ITGB3BP: variants seen among roughly 807,000 people sequenced by gnomAD.
The protein encoded by ITGB3BP is integrin subunit beta 3 binding protein, also known as centromere protein R.
In ITGB3BP, 27 loss-of-function variants were observed where a neutral mutation model predicts 29.1. That is an observed-to-expected ratio of 0.93 (90% CI 0.68 to 1.28). ITGB3BP has a LOEUF of 1.28. ITGB3BP is among the 50% of genes most tolerant of loss of function. ITGB3BP has a pLI of 0.00. For synonymous variants in ITGB3BP, 61 were observed against 61.4 expected, an observed-to-expected ratio of 0.99 and a Z score of 0.03; for missense variants, 192 against 200.2, an observed-to-expected ratio of 0.96 and a Z score of 0.25.
chr1:63,457,288 T>C (rs1270912982), intron 4 of ITGB3BP: 1 of 152,160 alleles, frequency 6.6e-6, no homozygotes, highest in Non-Finnish European at 1.5e-5. Context: ...AGATAAACTA[T>C]TTGCTGAGCA....
At chr1:63,523,101 C>A (rs752925372) in intron 1 of ITGB3BP, 28 bp downstream of exon 1, 1 of 1,613,842 alleles carries the variant, frequency 6.2e-7, no homozygotes, top group South Asian at 1.1e-5. Flanking sequence ...GCCCCCAAAA[C>A]AGCAATACCT....
intron 4 of ITGB3BP, among the ~76,000 whole-genome samples, chr1:63,463,237 G>T (rs187764764): frequency 3.2e-5 from 3 of 92,340 alleles, no homozygotes; most frequent in Non-Finnish European, 5.9e-5. Context: ...CAACAAGAGC[G>T]AAACTCTGTC....
intron 1 of ITGB3BP, among the ~76,000 whole-genome samples, chr1:63,519,344 A>G (rs1418163220): frequency 6.6e-6 from 1 of 152,130 alleles, no homozygotes; most frequent in African/African-American, 2.4e-5. Context: ...ATTGTGCTGA[A>G]AGTAAAGAAA....
intron 7 of ITGB3BP, chr1:63,451,725 C>G (rs989534435): frequency 2.0e-5 from 3 of 151,864 alleles, no homozygotes; most frequent in Non-Finnish European, 2.9e-5. Flanking sequence ...AATCAAATTA[C>G]AACAAAAATA....
chr1:63,505,293 T>C (rs1646048530), intron 2 of ITGB3BP, among the ~76,000 whole-genome samples: 2 of 152,200 alleles, frequency 1.3e-5, no homozygotes, highest in African/African-American at 4.8e-5. Context: ...TCTAGTTTAT[T>C]TGCGTAGAGG....
chr1:63,447,562 T>C (rs1436892099), intron 7 of ITGB3BP: 1 of 489,686 alleles, frequency 2.0e-6, no homozygotes, highest in East Asian at 5.8e-5. Flanking sequence ...AATTTAGCTT[T>C]ACCTAGGAGA....
At chr1:63,477,381 C>T (rs1259118219) in intron 4 of ITGB3BP, among the ~76,000 whole-genome samples, 1 of 152,044 alleles carries the variant, frequency 6.6e-6, no homozygotes, top group African/African-American at 2.4e-5. Flanking sequence ...TAAACATAAC[C>T]CATTTCTAAA....
chr1:63,497,987 C>CA (rs1557643487), intron 2 of ITGB3BP, among the ~76,000 whole-genome samples: 2 of 149,646 alleles, frequency 1.3e-5, no homozygotes, highest in Non-Finnish European at 3.0e-5. Context: ...GGGAAAAAAA[C>CA]AAAAAACAAA....
At position 63,523,130 on chromosome 1, in the gene ITGB3BP, G is replaced by A. The variant is rs1332695217; in HGVS notation, c.4C>T (p.Pro2Ser). The part of the protein sequence containing the change: M[P>S]VKRSLKLDGL... ...AATACCTGGGGAGGAGATACCTACG[G>A]CATTCTGAGATTCGGGAAAGCACCA... The change falls in exon 1 of 9, where the codon CCT becomes TCT. Residue 2 changes from proline (P) to serine (S), a missense_variant and splice_region_variant. Pro to Ser is a moderately conservative substitution (Grantham distance 74). Coordinates refer to ENST00000271002, the MANE Select transcript of ITGB3BP (RefSeq NM_014288.5). The A allele has an allele frequency of 1.2e-6, 2 of 1,614,050 alleles. No homozygotes were observed. Among genetic ancestry groups the A allele is most frequent in the East Asian group, 2.2e-5 (1 of 44,894 alleles).
intron 3 of ITGB3BP, among the ~76,000 whole-genome samples, chr1:63,485,494 C>T (rs1470651135): frequency 6.6e-6 from 1 of 151,512 alleles, no homozygotes; most frequent in Non-Finnish European, 1.5e-5. Context: ...TTTTCACCCG[C>T]CCTCCAATTG....
chr1:63,479,735 T>G (rs1414124605), intron 3 of ITGB3BP, among the ~76,000 whole-genome samples: 2 of 152,164 alleles, frequency 1.3e-5, no homozygotes, highest in Non-Finnish European at 2.9e-5. Flanking sequence ...CTTAACATAA[T>G]ATTCTCCAGG....
chr1:63,512,429 T>C (rs2100792521), intron 1 of ITGB3BP, among the ~76,000 whole-genome samples: 1 of 152,256 alleles, frequency 6.6e-6, no homozygotes, highest in East Asian at 1.9e-4. Context: ...ATCATTTGAT[T>C]CCTAATAAAA....
intron 3 of ITGB3BP, 65 bp from the exon 4 acceptor site, chr1:63,478,898 AT>A: frequency 1.7e-6 from 1 of 582,114 alleles, no homozygotes; most frequent in Non-Finnish European, 2.9e-6. Flanking sequence ...TTTAAATAGA[AT>A]TTAGTTTGTC....
chr1:63,460,465 C>T (rs1401205727), intron 4 of ITGB3BP, among the ~76,000 whole-genome samples: 1 of 152,202 alleles, frequency 6.6e-6, no homozygotes, highest in African/African-American at 2.4e-5. Context: ...AATGTTGTAG[C>T]ATGTATCAGA....
intron 3 of ITGB3BP, among the ~76,000 whole-genome samples, chr1:63,481,827 T>C (rs969371573): frequency 1.3e-5 from 2 of 152,214 alleles, no homozygotes; most frequent in Admixed American, 1.3e-4. Context: ...ACAACTCTGA[T>C]ATAGTCACTC....
At chr1:63,488,631 T>C (rs10889423) in intron 3 of ITGB3BP, among the ~76,000 whole-genome samples, 59,881 of 151,818 alleles carry the variant, frequency 0.39, 13,581 homozygotes, top group Non-Finnish European at 0.52. Flanking sequence ...GGATAAGCAA[T>C]GTAATGATTA....
chr1:63,448,956 G>A (rs1473661395), intron 7 of ITGB3BP, among the ~76,000 whole-genome samples: 1 of 152,152 alleles, frequency 6.6e-6, no homozygotes, highest in African/African-American at 2.4e-5. Flanking sequence ...GCTGGCAAAT[G>A]TGTATGAGTC....
chr1:63,464,844 G>C (rs1188551265), intron 4 of ITGB3BP, among the ~76,000 whole-genome samples: 2 of 151,812 alleles, frequency 1.3e-5, no homozygotes, highest in African/African-American at 4.8e-5. Flanking sequence ...CAAAATATCA[G>C]GCAAACACAA....
chr1:63,499,607 T>C (rs1182858534), intron 2 of ITGB3BP, among the ~76,000 whole-genome samples: 1 of 152,044 alleles, frequency 6.6e-6, no homozygotes, highest in Non-Finnish European at 1.5e-5. Context: ...TCCTGGCAAA[T>C]TGAAATCAGC....
Sources: allele counts gnomAD v4.1 joint callset (sites outside exome capture counted in the v4.1 genomes callset), GRCh38; gene constraint gnomAD v4.1.1; transcripts MANE v1.5; gene names NCBI Gene and HGNC (gene_info 2026-07-23, HGNC 2026-07-21).